CUL2: variants seen among roughly 807,000 people sequenced by gnomAD.
CUL2 encodes cullin 2.
In CUL2, 22 loss-of-function variants were observed where a neutral mutation model predicts 110.2. The observed-to-expected ratio is 0.20, with a 90% CI of 0.14 to 0.28. The LOEUF (loss-of-function observed/expected upper bound fraction) is 0.28. Ranked by LOEUF, CUL2 falls within the 10% of genes least tolerant of loss-of-function variation. CUL2 has a pLI of 1.00. For missense variants in CUL2, 631 were observed against 905.5 expected, an observed-to-expected ratio of 0.70 and a Z score of 3.89; for synonymous variants, 279 against 293.2, an observed-to-expected ratio of 0.95 and a Z score of 0.49.
In CUL2 at chr10:35,021,433, G is replaced by GTA. The variant is rs771764199; in HGVS notation, c.1684+3697_1684+3698dup. ...AACATACATTTTTTTATATATGTAT[G>GTA]TATATATATACACACACACACATAC... On this transcript the variant is annotated intron_variant, in intron 17 of 20. Transcript: ENST00000374749. Among the ~76,000 whole-genome samples, 116 of 149,934 alleles carry GTA rather than the reference G, an allele frequency of 7.7e-4. 1 individual carries two copies. The highest frequency in any genetic ancestry group is 2.7e-3 in the African/African-American group (108 of 40,698).
intron 6 of CUL2, among the ~76,000 whole-genome samples, chr10:35,046,391 AC>A (rs1302596917): frequency 2.0e-5 from 3 of 152,220 alleles, no homozygotes; most frequent in Non-Finnish European, 4.4e-5. Context: ...ACACCCTATG[AC>A]CCCAAGCAAA....
Position 35,018,288 on chromosome 10 carries a change from C to CA in CUL2, c.1685-1895dup, listed in dbSNP as rs11357517. 2.3e-3 allele frequency among the ~76,000 whole-genome samples: 173 copies of CA among 75,258 alleles called. 8 individuals are homozygous for CA. The highest frequency in any genetic ancestry group is 8.2e-3 in the African/African-American group (132 of 16,094). 49.4% of individuals were successfully genotyped at this position (75,258 alleles called of 152,430 possible). ...GGCAACAGAGCAAGACTCCATCTCACAAAAAAAAAAAAAAAAAAAAAAAAA... is the reference window on the plus strand; with the variant it reads ...GGCAACAGAGCAAGACTCCATCTCACAAAAAAAAAAAAAAAAAAAAAAAAAA... On this transcript the variant is annotated intron_variant, in intron 17 of 20. Transcript: ENST00000374749.
intron 1 of CUL2, among the ~76,000 whole-genome samples, chr10:35,080,083 T>C (rs1172531376): frequency 6.6e-6 from 1 of 152,130 alleles, no homozygotes; most frequent in Non-Finnish European, 1.5e-5. Context: ...TGACCGTGGG[T>C]AACTAAAATG....
chr10:35,050,133 T>A (rs4244994), intron 5 of CUL2, among the ~76,000 whole-genome samples: 108,137 of 151,908 alleles, frequency 0.71, 38,892 homozygotes, highest in South Asian at 0.76. Flanking sequence ...CCATCCTGGC[T>A]AACATGGCAA....
chr10:35,120,673 G>C (rs1269083904), intron 1 of CUL2, among the ~76,000 whole-genome samples: 1 of 152,124 alleles, frequency 6.6e-6, no homozygotes, highest in Non-Finnish European at 1.5e-5. Flanking sequence ...AAGGCAGGCA[G>C]ATTGCTTGAG....
At chr10:35,123,839 A>G (rs1439317230) in intron 1 of CUL2, among the ~76,000 whole-genome samples, 2 of 152,218 alleles carry the variant, frequency 1.3e-5, no homozygotes, top group Non-Finnish European at 2.9e-5. Flanking sequence ...ATGAAGTTGG[A>G]AGCTTTGGGT....
chr10:35,096,031 C>T (rs1480335678), intron 2 of CUL2, among the ~76,000 whole-genome samples: 3 of 151,188 alleles, frequency 2.0e-5, no homozygotes, highest in Non-Finnish European at 4.4e-5. Context: ...GTGGATTGCT[C>T]GAGGCCAGGA....
chr10:35,064,368 T>C (rs905573492), intron 2 of CUL2, among the ~76,000 whole-genome samples: 1 of 152,198 alleles, frequency 6.6e-6, no homozygotes, highest in Admixed American at 6.5e-5. Flanking sequence ...AAAATAAGGA[T>C]GCAAATTCTT....
chr10:35,124,449 C>T lies in CUL2; in HGVS notation c.-51+2156G>A, dbSNP rs1432502858. ...AAAATTAAATTAAAAAAAAAAGAGA[C>T]GGAAGAGGGCAAAAATTTGGCAGGA... is the stretch of plus-strand genomic sequence containing the variant. On this transcript the variant is annotated intron_variant, in intron 1 of 5. Coordinates refer to the CUL2 transcript ENST00000685421. 5.9e-5 allele frequency among the ~76,000 whole-genome samples: 9 copies of T among 151,682 alleles called. No individual in the cohort carries two copies. The South Asian group carries it at 1.0e-3, about 18-fold the overall frequency.
At chr10:35,069,142 T>C (rs1170112395) in intron 2 of CUL2, among the ~76,000 whole-genome samples, 2 of 152,180 alleles carry the variant, frequency 1.3e-5, no homozygotes, top group Non-Finnish European at 2.9e-5. Flanking sequence ...GCTTGAATTG[T>C]AGGCGTGAGA....
chr10:35,097,966 T>A (rs1477201778), intron 2 of CUL2: 3 of 151,452 alleles, frequency 2.0e-5, no homozygotes, highest in Non-Finnish European at 4.4e-5. Context: ...CTCAAAAAAA[T>A]TAATTAATTA....
At position 35,011,963 on chromosome 10, in the gene CUL2, T is replaced by C. The variant is rs1316723663; in HGVS notation, c.1991A>G (p.Glu664Gly). ...TTSMQKDTPQ[E>G]MEQTRSAVDE... ...AACTGCACTTCTAGTCTGCTCCATT[T>C]CCTGTTTTACAGAAGAAAAGAAAAA... The change falls in exon 20 of 21, where the codon GAA (glutamate) becomes GGA (glycine). Residue 664 changes from glutamate (E) to glycine (G), a missense_variant and splice_region_variant. Transcript: ENST00000374749. The C allele has an allele frequency of 3.8e-6, 6 of 1,574,452 alleles. No homozygotes were observed. Among genetic ancestry groups the C allele is most frequent in the Non-Finnish European group, 5.2e-6 (6 of 1,154,252 alleles).
At chr10:35,058,781 C>G (rs1047690323) in intron 4 of CUL2, among the ~76,000 whole-genome samples, 15 of 152,220 alleles carry the variant, frequency 9.9e-5, no homozygotes, top group Non-Finnish European at 5.9e-5. Context: ...AACACTAACC[C>G]TCCTAAGAAC....
At chr10:35,120,506 C>T (rs1036996487) in intron 1 of CUL2, 3 of 152,078 alleles carry the variant, frequency 2.0e-5, no homozygotes, top group Non-Finnish European at 4.4e-5. Flanking sequence ...GCACTATAAC[C>T]TACAAAATAA....
At chr10:35,025,020 G>T in intron 17 of CUL2, 112 bp downstream of exon 17, 1 of 1,319,994 alleles carries the variant, frequency 7.6e-7, no homozygotes, top group Non-Finnish European at 9.8e-7. Context: ...GGGAAAGGTT[G>T]ATGGAGGAGA....
chr10:35,101,588 T>C (rs1033319530), intron 1 of CUL2, among the ~76,000 whole-genome samples: 7 of 152,178 alleles, frequency 4.6e-5, no homozygotes, highest in African/African-American at 1.7e-4. Flanking sequence ...CCAAGATTAG[T>C]TTTGAACTGA....
At chr10:35,076,962 G>C (rs767781083) in intron 1 of CUL2, among the ~76,000 whole-genome samples, 1 of 152,058 alleles carries the variant, frequency 6.6e-6, no homozygotes, top group Non-Finnish European at 1.5e-5. Flanking sequence ...TGAGGCAGGA[G>C]AATGGCGTGA....
chr10:35,009,264 C>T lies in CUL2; in HGVS notation c.*1047G>A, dbSNP rs1449003439. 1 of 148,152 alleles carries T rather than the reference C, an allele frequency of 6.7e-6. No individual in the cohort carries two copies. The highest frequency in any genetic ancestry group is 1.5e-5 in the Non-Finnish European group (1 of 67,342). The allele number at this position is 148,152 out of a possible 1,614,324, so 9.2% of individuals were successfully genotyped here. On this transcript the variant is annotated 3_prime_UTR_variant, in exon 21 of 21. Coordinates refer to ENST00000374749, the MANE Select transcript of CUL2 (RefSeq NM_003591.4). Reference sequence around the variant, plus strand: ...GGATTTATATATGTGGCACCCAGTACAATGTACAATTTTCTTTTTTAAAAA... The same window carrying T: ...GGATTTATATATGTGGCACCCAGTATAATGTACAATTTTCTTTTTTAAAAA...
In CUL2 at chr10:35,031,719, G is replaced by T; in HGVS notation, c.1171-100C>A. 1 of 1,333,358 alleles carries T rather than the reference G, an allele frequency of 7.5e-7. No individual in the cohort carries two copies. Among genetic ancestry groups the T allele is most frequent in the East Asian group, 2.3e-5 (1 of 42,986 alleles). The allele number at this position is 1,333,358 out of a possible 1,614,324, so 82.6% of individuals were successfully genotyped here. A position where few individuals can be genotyped will look rare whatever the true frequency, so the allele number is the denominator to read the frequency against. Reference sequence around the variant, plus strand: ...TGATACAAGGTAAGATCAGCGGACAGAATTTTTGCTGTTTTTTTTAGAGAC... The same window carrying T: ...TGATACAAGGTAAGATCAGCGGACATAATTTTTGCTGTTTTTTTTAGAGAC... On this transcript the variant is annotated intron_variant, in intron 12 of 20. Transcript: ENST00000374749. The surrounding 1 kb of genome is among the most constrained non-coding windows in gnomAD (Gnocchi z 4.4).
Sources: allele counts gnomAD v4.1 joint callset (sites outside exome capture counted in the v4.1 genomes callset), GRCh38; gene constraint gnomAD v4.1.1; non-coding constraint Gnocchi (gnomAD v3.1); transcripts MANE v1.5; gene names NCBI Gene and HGNC (gene_info 2026-07-23, HGNC 2026-07-21).